ANK2: variants seen among roughly 807,000 people sequenced by gnomAD.
ANK2 encodes ankyrin 2, also known as ankyrin-2.
Under a neutral mutation model 360.5 loss-of-function variants are expected in ANK2, and 83 were observed. The observed-to-expected ratio is 0.23, with a 90% confidence interval of 0.19 to 0.28. The LOEUF (loss-of-function observed/expected upper bound fraction) is 0.28. Ranked by LOEUF, ANK2 falls within the 10% of genes least tolerant of loss-of-function variation. ANK2 has a pLI of 1.00. For missense variants in ANK2, 4,201 were observed against 4,795.7 expected (o/e 0.88, Z 3.66); for synonymous variants, 1,740 against 1,759.5 (o/e 0.99, Z 0.28).
chr4:112,927,152 G>A (rs2092666530), intron 2 of ANK2, among the ~76,000 whole-genome samples: 1 of 152,100 alleles, frequency 6.6e-6, no homozygotes, highest in South Asian at 2.1e-4. Context: ...TTGACCTGTG[G>A]GGATTATTAC....
At chr4:113,240,627 A>G (rs747326413) in intron 8 of ANK2, 44 bp downstream of exon 8, 1 of 1,515,764 alleles carries the variant, frequency 6.6e-7, no homozygotes, top group South Asian at 1.1e-5. Flanking sequence ...CAGTAAATGA[A>G]TATTTTAATA....
chr4:112,728,016 C>G, the ANK2 span, among the ~76,000 whole-genome samples: 1 of 150,486 alleles, frequency 6.6e-6, no homozygotes, highest in Admixed American at 6.7e-5. Context: ...AAGAATTGGC[C>G]GGGTGCGGTG....
intron 10 of ANK2, 52 bp downstream of exon 10, chr4:113,249,914 T>C: frequency 6.8e-7 from 1 of 1,479,156 alleles, no homozygotes; most frequent in South Asian, 1.2e-5. Flanking sequence ...AGTTACTTGA[T>C]GTATTATCTC....
chr4:113,375,806 T>A (rs1292860399), intron 45 of ANK2, among the ~76,000 whole-genome samples: 1 of 152,024 alleles, frequency 6.6e-6, no homozygotes, highest in Non-Finnish European at 1.5e-5. Context: ...CCCCAAATGC[T>A]GAAAACCAAA....
chr4:112,998,773 A>G (rs889209234), intron 2 of ANK2, among the ~76,000 whole-genome samples: 2 of 152,222 alleles, frequency 1.3e-5, no homozygotes, highest in African/African-American at 4.8e-5. Context: ...TAAAATAAGC[A>G]TATAGTACAC....
the ANK2 span, among the ~76,000 whole-genome samples, chr4:112,749,188 C>T: frequency 6.6e-6 from 1 of 152,214 alleles, no homozygotes; most frequent in East Asian, 1.9e-4. Flanking sequence ...GCGTGAGCCA[C>T]CGCGCCTGGC....
At chr4:113,275,126 T>C (rs971483064) in intron 15 of ANK2, among the ~76,000 whole-genome samples, 2 of 152,218 alleles carry the variant, frequency 1.3e-5, no homozygotes, top group Non-Finnish European at 2.9e-5. Context: ...TTTGACATTC[T>C]CATTCCCATA....
At chr4:113,043,617 C>T (rs1481656053) in intron 2 of ANK2, among the ~76,000 whole-genome samples, 1 of 152,066 alleles carries the variant, frequency 6.6e-6, no homozygotes, top group Admixed American at 6.6e-5. Flanking sequence ...TGGATTTTCT[C>T]TTTGTTATCT....
At chr4:112,796,463 T>TACAC in the ANK2 span, among the ~76,000 whole-genome samples, 2 of 70,944 alleles carry the variant, frequency 2.8e-5, no homozygotes, top group Non-Finnish European at 4.8e-5. Flanking sequence ...TATCTATATA[T>TACAC]ATACACACAC....
intron 1 of ANK2, among the ~76,000 whole-genome samples, chr4:113,102,553 T>C (rs2093033505): frequency 6.6e-6 from 1 of 151,926 alleles, no homozygotes; most frequent in African/African-American, 2.4e-5. Flanking sequence ...TGAGTTCCGA[T>C]AGAAAAGGAG....
chr4:112,858,872 T>C (rs1379174874), intron 1 of ANK2, among the ~76,000 whole-genome samples: 1 of 152,210 alleles, frequency 6.6e-6, no homozygotes, highest in Non-Finnish European at 1.5e-5. Flanking sequence ...GTAGCTTTTA[T>C]TGGTTAATGT....
At chr4:113,331,443 T>C (rs532305473) in intron 27 of ANK2, among the ~76,000 whole-genome samples, 2 of 152,328 alleles carry the variant, frequency 1.3e-5, no homozygotes, top group Non-Finnish European at 1.5e-5. Flanking sequence ...ACTTCTCATG[T>C]CCTCCAGTCA....
chr4:112,814,567 C>A (rs528565540), upstream of ANK2, among the ~76,000 whole-genome samples: 5 of 152,270 alleles, frequency 3.3e-5, no homozygotes, highest in Admixed American at 2.6e-4. Flanking sequence ...CCCACCTCAG[C>A]CTCCTGAGTA....
At chr4:113,334,037 C>T (rs1182906352) in intron 29 of ANK2, among the ~76,000 whole-genome samples, 1 of 152,180 alleles carries the variant, frequency 6.6e-6, no homozygotes, top group African/African-American at 2.4e-5. Context: ...ATGCCAGGAA[C>T]ATACCAAGTT....
At chr4:113,081,896 G>A (rs947193094) in intron 1 of ANK2, among the ~76,000 whole-genome samples, 15 of 150,478 alleles carry the variant, frequency 1.0e-4, no homozygotes, top group Admixed American at 2.7e-4. Context: ...TGCAACTTCC[G>A]CTGCCTGGGT....
At chr4:112,753,201 C>T in the ANK2 span, among the ~76,000 whole-genome samples, 1 of 152,218 alleles carries the variant, frequency 6.6e-6, no homozygotes, top group African/African-American at 2.4e-5. Context: ...CTTGCTTCAT[C>T]TGCTGATATG....
chr4:113,192,225 G>T (rs2098677592), intron 2 of ANK2, among the ~76,000 whole-genome samples: 1 of 152,114 alleles, frequency 6.6e-6, no homozygotes, highest in Admixed American at 6.5e-5. Context: ...CCCTTAAAGT[G>T]ATTTTTGTGA....
intron 1 of ANK2, among the ~76,000 whole-genome samples, chr4:112,868,119 A>T (rs2150211003): frequency 6.6e-6 from 1 of 152,296 alleles, no homozygotes; most frequent in East Asian, 1.9e-4. Context: ...GTGATATATC[A>T]TTATGTTTTT....
chr4:112,978,439 C>T (rs75521963), intron 2 of ANK2, among the ~76,000 whole-genome samples: 10,288 of 152,162 alleles, frequency 0.068, 530 homozygotes, highest in African/African-American at 0.14. Flanking sequence ...CTTTCATTTT[C>T]CCAAACTGAA....
Sources: allele counts gnomAD v4.1 joint callset (sites outside exome capture counted in the v4.1 genomes callset), GRCh38; gene constraint gnomAD v4.1.1; transcripts MANE v1.5; gene names NCBI Gene and HGNC (gene_info 2026-07-23, HGNC 2026-07-21).